The following PSMD6 variants were observed in gnomAD, a reference collection of about 807,000 sequenced individuals.
PSMD6 encodes the protein 26S proteasome non-ATPase regulatory subunit 6.
Under a neutral mutation model 44.9 loss-of-function variants are expected in PSMD6, and 7 were observed. The observed-to-expected ratio is 0.16, with a 90% CI of 0.09 to 0.29. The LOEUF is 0.29. PSMD6 is among the 10% of genes least tolerant of loss of function. The pLI is 1.00. For missense variants in PSMD6, 420 were observed against 482.6 expected (o/e 0.87, Z 1.21); for synonymous variants, 184 against 172.7 (o/e 1.07, Z -0.51).
chr3:64,011,622 T>C (rs2106838369), intron 6 of PSMD6: 1 of 151,116 alleles, frequency 6.6e-6, no homozygotes, highest in Middle Eastern at 3.4e-3. Context: ...AACCTTTGCC[T>C]CTCAAGCTGG....
intron 6 of PSMD6, chr3:64,011,638 G>C (rs559177605): frequency 4.9e-4 from 70 of 142,122 alleles, no homozygotes; most frequent in African/African-American, 1.9e-3. Context: ...GCTGGTCTTA[G>C]AACATGAAGG....
intron 5 of PSMD6, 103 bp downstream of exon 5, chr3:64,018,496 C>T (rs972447392): frequency 6.2e-5 from 51 of 816,948 alleles, no homozygotes; most frequent in Non-Finnish European, 3.9e-5. Flanking sequence ...GCTACCTACA[C>T]ACTACATTTC....
chr3:64,019,736 G>C (rs1308941650), intron 2 of PSMD6: 1 of 286,864 alleles, frequency 3.5e-6, no homozygotes. Context: ...ATTTTTCTCT[G>C]TTCTATATAT....
chr3:64,011,166 T>TTCAGATAGATAGAAAGTAGATCA (rs1559672070), intron 6 of PSMD6: 8 of 431,400 alleles, frequency 1.9e-5, no homozygotes, highest in Admixed American at 4.1e-5. Context: ...GAAGTTCATA[T>TTCAGATAGATAGAAAGTAGATCA]TCAGATAGAT....
At chr3:64,021,568 G>C (rs1264164604) in intron 2 of PSMD6, among the ~76,000 whole-genome samples, 1 of 152,108 alleles carries the variant, frequency 6.6e-6, no homozygotes, top group Non-Finnish European at 1.5e-5. Flanking sequence ...CAGCACTTTC[G>C]GAGGCCGAGA....
At chr3:64,022,765 T>TA in intron 1 of PSMD6, 6 of 1,536,280 alleles carry the variant, frequency 3.9e-6, no homozygotes, top group Non-Finnish European at 5.2e-6. Flanking sequence ...GGGAGGGCAA[T>TA]CCTCGGTTTG....
At chr3:64,020,428 A>G (rs1018342634) in intron 2 of PSMD6, among the ~76,000 whole-genome samples, 1 of 152,232 alleles carries the variant, frequency 6.6e-6, no homozygotes, top group Non-Finnish European at 1.5e-5. Flanking sequence ...CAACTTCCTG[A>G]TACTGATTCA....
intron 5 of PSMD6, 35 bp downstream of exon 5, chr3:64,018,561 TGAA>T: frequency 2.1e-6 from 3 of 1,435,172 alleles, no homozygotes; most frequent in Non-Finnish European, 9.7e-7. Context: ...AGGAGTAAGA[TGAA>T]GACAGATAAT....
intron 5 of PSMD6, chr3:64,017,628 C>T (rs1032147573): frequency 2.6e-5 from 4 of 152,190 alleles, no homozygotes; most frequent in Non-Finnish European, 5.9e-5. Flanking sequence ...AGTTACTCAT[C>T]ATGCTCGGGA....
upstream of PSMD6, chr3:64,023,533 C>T: frequency 1.4e-6 from 2 of 1,411,164 alleles, no homozygotes; most frequent in Non-Finnish European, 1.9e-6. Flanking sequence ...GGCTTCCGGT[C>T]CCGTCTCCGC....
rs966164561 is a variant in PSMD6, at chr3:64,022,764, A to G, written c.146-241T>C. Reference sequence around the variant, plus strand: ...CTCTACTAGGGCTGGAGGGAGGGCAATCCTCGGTTTGCTCTTGCCGGATTC... The same window carrying G: ...CTCTACTAGGGCTGGAGGGAGGGCAGTCCTCGGTTTGCTCTTGCCGGATTC... On this transcript the variant is annotated intron_variant, in intron 1 of 7. Transcript: ENST00000295901. 4.6e-6 allele frequency: 7 copies of G among 1,536,246 alleles called. No individual in the cohort carries two copies. In the Admixed American group the frequency reaches 5.9e-5, roughly 13 times the overall value.
At chr3:64,010,785 A>C in intron 7 of PSMD6, 21 bp from the exon 8 acceptor site, 1 of 1,585,468 alleles carries the variant, frequency 6.3e-7, no homozygotes. Flanking sequence ...ATTCAAGAAA[A>C]AATGAATTAT....
intron 6 of PSMD6, chr3:64,011,662 C>A (rs932039483): frequency 6.7e-6 from 1 of 150,010 alleles, no homozygotes; most frequent in Non-Finnish European, 1.5e-5. Context: ...AAAAAAAAAA[C>A]TGAACAAATA....
intron 2 of PSMD6, among the ~76,000 whole-genome samples, chr3:64,021,704 G>C (rs978898852): frequency 4.6e-5 from 7 of 151,876 alleles, no homozygotes; most frequent in African/African-American, 1.7e-4. Context: ...TCAACTACTC[G>C]GGAGGCTGAG....
chr3:64,023,659 T>C, upstream of PSMD6: 5 of 1,449,958 alleles, frequency 3.4e-6, no homozygotes, highest in South Asian at 1.5e-5. Context: ...AGTCCCAGAG[T>C]GGGTGCAGCC....
chr3:64,022,242 T>G (rs1170530170), intron 2 of PSMD6, 76 bp downstream of exon 2: 223 of 1,484,974 alleles, frequency 1.5e-4, no homozygotes, highest in Non-Finnish European at 1.9e-4. Flanking sequence ...ATTTTTTTAA[T>G]GAGAAACGAT....
chr3:64,021,991 C>A lies in PSMD6; in HGVS notation c.351+327G>T, dbSNP rs768804036. ...AGTACTAAAGACACCAGAACCAGTG[C>A]TTCCCAACCAAGTGAGAAAACTGCT... On this transcript the variant is annotated intron_variant, in intron 2 of 7. Coordinates refer to ENST00000295901, the MANE Select transcript of PSMD6 (RefSeq NM_014814.3). 4.6e-5 allele frequency among the ~76,000 whole-genome samples: 7 copies of A among 152,318 alleles called. No homozygotes were observed. The Middle Eastern group carries it at 0.01, about 224-fold the overall frequency.
chr3:64,018,795 G>T, intron 4 of PSMD6, 23 bp downstream of exon 4: 2 of 1,538,092 alleles, frequency 1.3e-6, no homozygotes, highest in South Asian at 1.2e-5. Flanking sequence ...CTTTAAATTT[G>T]AGTATTAAAG....
At chr3:64,011,370 A>G (rs2075945293) in intron 6 of PSMD6, 1 of 153,652 alleles carries the variant, frequency 6.5e-6, no homozygotes, top group Admixed American at 6.5e-5. Context: ...AGTATTTACT[A>G]AAACAACGAC....
Sources: gnomAD v4.1 joint callset for allele counts (sites outside exome capture counted in the v4.1 genomes callset) on GRCh38, gnomAD v4.1.1 for gene constraint, MANE v1.5 for transcripts, NCBI Gene and HGNC (gene_info 2026-07-23, HGNC 2026-07-21) for gene names.